Variants in SLC39A11 observed in about 807,000 individuals in gnomAD.
SLC39A11 encodes zinc transporter ZIP11.
Under a neutral mutation model 36.1 loss-of-function variants are expected in SLC39A11, and 33 were observed. That is an observed-to-expected ratio of 0.91 (90% confidence interval 0.69 to 1.22). The LOEUF (loss-of-function observed/expected upper bound fraction) is 1.22. Ranked by LOEUF, SLC39A11 falls within the 50% of genes most tolerant of loss-of-function variation. The pLI is 0.00. For missense variants in SLC39A11, 432 were observed against 430.3 expected, an observed-to-expected ratio of 1.00 and a Z score of -0.03; for synonymous variants, 166 against 170.3, an observed-to-expected ratio of 0.97 and a Z score of 0.20.
intron 7 of SLC39A11, among the ~76,000 whole-genome samples, chr17:72,725,079 T>C (rs1025666749): frequency 3.3e-5 from 5 of 152,212 alleles, no homozygotes; most frequent in Middle Eastern, 3.2e-3. Flanking sequence ...TCCGGTGGAC[T>C]TCCTTGGCCT....
At chr17:73,030,254 G>T (rs188933468) in intron 4 of SLC39A11, among the ~76,000 whole-genome samples, 123 of 152,326 alleles carry the variant, frequency 8.1e-4, no homozygotes, top group Admixed American at 2.8e-3. Context: ...GCGGTCCTTG[G>T]TCTGGGGGGT....
intron 6 of SLC39A11, among the ~76,000 whole-genome samples, chr17:72,808,731 T>C (rs1436545322): frequency 6.6e-6 from 1 of 152,144 alleles, no homozygotes; most frequent in Non-Finnish European, 1.5e-5. Flanking sequence ...GACTTTTGCA[T>C]TCTGGCACCT....
intron 5 of SLC39A11, 73 bp downstream of exon 5, chr17:72,947,679 C>T: frequency 1.2e-6 from 2 of 1,606,624 alleles, no homozygotes; most frequent in East Asian, 2.2e-5. Context: ...TACCACCAGC[C>T]CCCACGTCCA....
At chr17:72,943,252 A>G (rs148869128) in intron 5 of SLC39A11, among the ~76,000 whole-genome samples, 1 of 152,302 alleles carries the variant, frequency 6.6e-6, no homozygotes, top group African/African-American at 2.4e-5. Context: ...CTCCTGCAAG[A>G]CCATTTCCAC....
chr17:72,718,700 C>A (rs1366529873), intron 7 of SLC39A11, among the ~76,000 whole-genome samples: 1 of 152,194 alleles, frequency 6.6e-6, no homozygotes, highest in African/African-American at 2.4e-5. Context: ...ACAATGGCAG[C>A]TGCCCCTCAC....
At chr17:72,932,484 C>T in intron 5 of SLC39A11, among the ~76,000 whole-genome samples, 1 of 149,336 alleles carries the variant, frequency 6.7e-6, no homozygotes, top group African/African-American at 2.5e-5. Flanking sequence ...ATGTTCCCCT[C>T]CCTGTTTCTA....
intron 7 of SLC39A11, among the ~76,000 whole-genome samples, chr17:72,672,342 G>A (rs1266377014): frequency 6.6e-6 from 1 of 152,058 alleles, no homozygotes; most frequent in African/African-American, 2.4e-5. Flanking sequence ...CCAGCTATTT[G>A]GGAGGTTGAG....
At chr17:72,674,999 T>TGC (rs2071192633) in intron 7 of SLC39A11, among the ~76,000 whole-genome samples, 1 of 151,946 alleles carries the variant, frequency 6.6e-6, no homozygotes, top group East Asian at 1.9e-4. Flanking sequence ...TGTGTGTGTG[T>TGC]GTGTGAGACA....
chr17:72,911,924 G>C (rs12600369), intron 5 of SLC39A11, among the ~76,000 whole-genome samples: 1 of 152,048 alleles, frequency 6.6e-6, no homozygotes, highest in Non-Finnish European at 1.5e-5. Context: ...GATTACAGGC[G>C]TGAGCCACTG....
Position 72,920,241 on chromosome 17 carries a change from C to G in SLC39A11, c.430+27511G>C, listed in dbSNP as rs545258735. 5.3e-5 allele frequency among the ~76,000 whole-genome samples: 8 copies of G among 152,150 alleles called. 1 individual carries two copies. The South Asian group carries it at 1.0e-3, about 20-fold the overall frequency. ...AACAGCCAGGGTGATCCTCTTTAAA[C>G]TGAAGTCAGGTCACGTTCAAACGGG... On this transcript the variant is annotated intron_variant, in intron 5 of 9. Coordinates refer to ENST00000255559, the MANE Select transcript of SLC39A11 (RefSeq NM_139177.4).
At chr17:72,920,094 A>G (rs1352111330) in intron 5 of SLC39A11, among the ~76,000 whole-genome samples, 1 of 152,110 alleles carries the variant, frequency 6.6e-6, no homozygotes, top group Non-Finnish European at 1.5e-5. Context: ...CTTTCGCTAA[A>G]CATTTAATAA....
chr17:73,050,481 T>TTTTTTTTTTTTTTTA (rs2059458938), intron 3 of SLC39A11, among the ~76,000 whole-genome samples: 2 of 143,374 alleles, frequency 1.4e-5, no homozygotes, highest in African/African-American at 5.1e-5. Flanking sequence ...TTTTTTTTTT[T>TTTTTTTTTTTTTTTA]GAGACACAGT....
chr17:72,676,912 T>G (rs544879472), intron 7 of SLC39A11, among the ~76,000 whole-genome samples: 1 of 152,196 alleles, frequency 6.6e-6, no homozygotes, highest in Non-Finnish European at 1.5e-5. Flanking sequence ...GCCCATCTGG[T>G]GTAACTCCCC....
intron 4 of SLC39A11, among the ~76,000 whole-genome samples, chr17:72,986,981 A>C (rs541952395): frequency 1.3e-3 from 200 of 152,100 alleles, no homozygotes; most frequent in African/African-American, 4.6e-3. Context: ...TCCAAATCTC[A>C]TGTTGAAATG....
intron 4 of SLC39A11, among the ~76,000 whole-genome samples, chr17:72,974,441 A>AT: frequency 6.6e-6 from 1 of 151,996 alleles, no homozygotes; most frequent in East Asian, 1.9e-4. Flanking sequence ...CAAAAAAAAA[A>AT]AAAAAAAATT....
rs2074097136 is a variant in SLC39A11, at chr17:72,729,434, TATATATA to T, written c.671+7209_671+7215del. Reference sequence around the variant, plus strand: ...ATATATATATATATATATATATATATATATATATATATATATATATATATTTTTTTTT... The same window carrying T: ...ATATATATATATATATATATATATATTATATATATATATATATTTTTTTTT... On this transcript the variant is annotated intron_variant, in intron 7 of 9. Coordinates refer to ENST00000255559, the MANE Select transcript of SLC39A11 (RefSeq NM_139177.4). Among the ~76,000 whole-genome samples, 8 of 3,474 alleles carry T rather than the reference TATATATA, an allele frequency of 2.3e-3. 2 individuals are homozygous for T. Among genetic ancestry groups the T allele is most frequent in the East Asian group, 0.015 (4 of 266 alleles). 2.3% of individuals were successfully genotyped at this position (3,474 alleles called of 152,430 possible).
chr17:72,896,430 G>A (rs1325000478), intron 5 of SLC39A11, among the ~76,000 whole-genome samples: 1 of 151,844 alleles, frequency 6.6e-6, no homozygotes, highest in Non-Finnish European at 1.5e-5. Context: ...TTGAACTCTT[G>A]ACCTCAAGTG....
intron 6 of SLC39A11, among the ~76,000 whole-genome samples, chr17:72,823,403 A>G (rs1476987596): frequency 3.3e-5 from 5 of 151,130 alleles, no homozygotes; most frequent in African/African-American, 4.8e-5. Context: ...GGTTCCGTGC[A>G]TCAATCTCTC....
chr17:72,875,460 C>G (rs1296246102), intron 5 of SLC39A11, among the ~76,000 whole-genome samples: 1 of 152,180 alleles, frequency 6.6e-6, no homozygotes, highest in African/African-American at 2.4e-5. Flanking sequence ...CTGGAACCCC[C>G]TGAGGTTGTC....
Sources: allele counts gnomAD v4.1 joint callset (sites outside exome capture counted in the v4.1 genomes callset), GRCh38; gene constraint gnomAD v4.1.1; transcripts MANE v1.5; gene names NCBI Gene and HGNC (gene_info 2026-07-23, HGNC 2026-07-21).